Variants in SCCPDH observed in about 807,000 individuals in gnomAD.
The protein encoded by SCCPDH is saccharopine dehydrogenase-like oxidoreductase.
In SCCPDH, 34 loss-of-function variants were observed where a neutral mutation model predicts 51.5. The observed-to-expected ratio is 0.66, with a 90% CI of 0.50 to 0.88. The LOEUF (loss-of-function observed/expected upper bound fraction) is 0.88. SCCPDH is among the 40% of genes least tolerant of loss of function. The pLI is 0.00. For missense variants in SCCPDH, 464 were observed against 527.1 expected, an observed-to-expected ratio of 0.88 and a Z score of 1.17; for synonymous variants, 187 against 191.3, an observed-to-expected ratio of 0.98 and a Z score of 0.19.
chr1:246,732,540 G>A (rs571999916), intron 2 of SCCPDH, among the ~76,000 whole-genome samples: 19 of 152,040 alleles, frequency 1.2e-4, no homozygotes, highest in African/African-American at 3.9e-4. Context: ...GGCTCATGCC[G>A]CCACACCTAG....
chr1:246,734,887 GT>G (rs1668545143), intron 2 of SCCPDH, among the ~76,000 whole-genome samples: 2 of 152,180 alleles, frequency 1.3e-5, no homozygotes, highest in African/African-American at 4.8e-5. Flanking sequence ...AATTCCTTGA[GT>G]TTGAATAACA....
chr1:246,747,692 G>C (rs1668782276), intron 5 of SCCPDH, among the ~76,000 whole-genome samples: 1 of 42,696 alleles, frequency 2.3e-5, no homozygotes, highest in Non-Finnish European at 4.8e-5. Flanking sequence ...TCCCCTTTTG[G>C]CTAGGGTTGG....
chr1:246,767,523 C>T lies in SCCPDH; in HGVS notation c.*223C>T. On this transcript the variant is annotated 3_prime_UTR_variant, in exon 12 of 12. Transcript: ENST00000366510. Reference sequence around the variant, plus strand: ...CTTATAACAGAGAACTCATATTTGACATATTTTTTTCATTGATGTGTTCCT... The same window carrying T: ...CTTATAACAGAGAACTCATATTTGATATATTTTTTTCATTGATGTGTTCCT... 3 of 307,188 alleles carry T rather than the reference C, an allele frequency of 9.8e-6. No individual in the cohort carries two copies. The highest frequency in any genetic ancestry group is 1.2e-5 in the Non-Finnish European group (2 of 168,424). 19.0% of individuals were successfully genotyped at this position (307,188 alleles called of 1,614,324 possible).
intron 2 of SCCPDH, among the ~76,000 whole-genome samples, chr1:246,729,253 G>A (rs1236140487): frequency 1.3e-5 from 2 of 152,084 alleles, no homozygotes; most frequent in African/African-American, 4.8e-5. Context: ...CAGGAAACAG[G>A]GTACGAGAGC....
intron 5 of SCCPDH, among the ~76,000 whole-genome samples, chr1:246,745,709 A>C (rs555568873): frequency 4.1e-4 from 63 of 152,214 alleles, no homozygotes; most frequent in Admixed American, 7.8e-4. Flanking sequence ...ATTAACGTAA[A>C]GAGGTATGTA....
At chr1:246,740,902 A>T (rs896644572) in intron 4 of SCCPDH, among the ~76,000 whole-genome samples, 7 of 151,932 alleles carry the variant, frequency 4.6e-5, no homozygotes, top group Non-Finnish European at 8.8e-5. Context: ...GCAACATAGT[A>T]AGACTCGTCC....
intron 4 of SCCPDH, among the ~76,000 whole-genome samples, chr1:246,742,784 A>G (rs1461795419): frequency 6.6e-6 from 1 of 152,186 alleles, no homozygotes; most frequent in Non-Finnish European, 1.5e-5. Flanking sequence ...TTCATTTATC[A>G]GATTTTGAGA....
chr1:246,730,952 C>T (rs1361698201), intron 2 of SCCPDH, among the ~76,000 whole-genome samples: 11 of 152,080 alleles, frequency 7.2e-5, no homozygotes, highest in South Asian at 2.1e-4. Context: ...TGCAGCTACT[C>T]GGGAGGCTGA....
chr1:246,732,227 A>G (rs893085676), intron 2 of SCCPDH, among the ~76,000 whole-genome samples: 4 of 152,214 alleles, frequency 2.6e-5, no homozygotes, highest in Non-Finnish European at 5.9e-5. Flanking sequence ...TGGCTGCAGT[A>G]TAACCAGTTA....
intron 2 of SCCPDH, among the ~76,000 whole-genome samples, chr1:246,734,158 G>A (rs149444903): frequency 3.1e-4 from 47 of 152,254 alleles, no homozygotes; most frequent in African/African-American, 1.1e-3. Context: ...TGATTCTAAA[G>A]CAGGTGGACT....
At chr1:246,742,379 A>T (rs1668694635) in intron 4 of SCCPDH, among the ~76,000 whole-genome samples, 1 of 151,956 alleles carries the variant, frequency 6.6e-6, no homozygotes, top group Non-Finnish European at 1.5e-5. Context: ...TTTGTTTAAA[A>T]TTTTTTTCAG....
chr1:246,741,152 A>G (rs1668670383), intron 4 of SCCPDH, among the ~76,000 whole-genome samples: 1 of 152,172 alleles, frequency 6.6e-6, no homozygotes, highest in African/African-American at 2.4e-5. Context: ...CTTCAGTACC[A>G]TATAAAGTGT....
At chr1:246,745,373 CTG>C (rs1188482339) in intron 5 of SCCPDH, among the ~76,000 whole-genome samples, 2 of 152,180 alleles carry the variant, frequency 1.3e-5, no homozygotes, top group Non-Finnish European at 2.9e-5. Flanking sequence ...CATATAGTAA[CTG>C]TGCAAGAGAA....
chr1:246,754,523 A>G (rs368841553), intron 5 of SCCPDH, among the ~76,000 whole-genome samples: 1 of 152,380 alleles, frequency 6.6e-6, no homozygotes, highest in East Asian at 1.9e-4. Context: ...GCTGCAGACA[A>G]AACCCCTCAG....
rs1669114733 is a variant in SCCPDH, at chr1:246,767,973, T to C, written c.*673T>C. On this transcript the variant is annotated 3_prime_UTR_variant, in exon 12 of 12. Transcript: ENST00000366510. ...AATTCTATATCTGTGACTAGGTTTT[T>C]AAGGATACAGCTTATAAGTTGCTAT... 1 of 152,228 alleles carries C rather than the reference T, an allele frequency of 6.6e-6. No homozygotes were observed. The highest frequency in any genetic ancestry group is 2.4e-5 in the African/African-American group (1 of 41,462). The allele number at this position is 152,228 out of a possible 1,614,324, so 9.4% of individuals were successfully genotyped here. A position where few individuals can be genotyped will look rare whatever the true frequency, so the allele number is the denominator to read the frequency against.
At chr1:246,731,018 C>T (rs1339947650) in intron 2 of SCCPDH, among the ~76,000 whole-genome samples, 1 of 152,122 alleles carries the variant, frequency 6.6e-6, no homozygotes, top group Non-Finnish European at 1.5e-5. Context: ...TGAGATTGCG[C>T]CATTGTATTC....
intron 9 of SCCPDH, among the ~76,000 whole-genome samples, chr1:246,762,059 T>C (rs1250317719): frequency 6.6e-6 from 1 of 152,230 alleles, no homozygotes; most frequent in Non-Finnish European, 1.5e-5. Flanking sequence ...CATCTGTTAT[T>C]TTCTGTAATG....
Position 246,764,470 on chromosome 1 carries a change from G to C in SCCPDH, c.1102+113G>C, listed in dbSNP as rs1572309381. The C allele has an allele frequency of 5.6e-6, 3 of 531,626 alleles. No individual in the cohort carries two copies. The South Asian group carries it at 1.2e-4, about 22-fold the overall frequency. 32.9% of individuals were successfully genotyped at this position (531,626 alleles called of 1,614,324 possible). A position where few individuals can be genotyped will look rare whatever the true frequency, so the allele number is the denominator to read the frequency against. On this transcript the variant is annotated intron_variant, in intron 10 of 11. Transcript: ENST00000366510. ...GCTTAATTGTTTTAGAAATACATTT[G>C]TACAAATTAAGTAACTTAAAATTAT...
intron 2 of SCCPDH, among the ~76,000 whole-genome samples, chr1:246,733,980 A>G (rs1391026511): frequency 6.6e-6 from 1 of 152,144 alleles, no homozygotes; most frequent in Non-Finnish European, 1.5e-5. Context: ...AAGTTGGGAG[A>G]GTAGGTGAGA....
Sources: allele counts gnomAD v4.1 joint callset (sites outside exome capture counted in the v4.1 genomes callset), GRCh38; gene constraint gnomAD v4.1.1; transcripts MANE v1.5; gene names NCBI Gene and HGNC (gene_info 2026-07-23, HGNC 2026-07-21).